Variants in PCNX2 observed in about 807,000 individuals in gnomAD.
PCNX2 encodes the protein pecanex-like protein 2.
PCNX2 carries 168 observed loss-of-function variants against 223.8 expected under a neutral mutation model. That is an observed-to-expected ratio of 0.75 (90% CI 0.66 to 0.85). PCNX2 has a LOEUF of 0.85. Ranked by LOEUF, PCNX2 falls within the 40% of genes least tolerant of loss-of-function variation. PCNX2 has a pLI of 0.00. For missense variants in PCNX2, 2,507 were observed against 2,675.5 expected, an observed-to-expected ratio of 0.94 and a Z score of 1.39; for synonymous variants, 1,006 against 1,052.6, an observed-to-expected ratio of 0.96 and a Z score of 0.86.
chr1:233,227,878 C>A (rs1388578874), intron 9 of PCNX2, among the ~76,000 whole-genome samples: 1 of 151,898 alleles, frequency 6.6e-6, no homozygotes, highest in Non-Finnish European at 1.5e-5. Context: ...AAATCTAAAT[C>A]ATTAAAACTA....
Position 233,047,942 on chromosome 1 carries a change from T to C in PCNX2, c.4351+6326A>G, listed in dbSNP as rs1304487262. On this transcript the variant is annotated intron_variant, in intron 25 of 33. Coordinates refer to ENST00000258229, the MANE Select transcript of PCNX2 (RefSeq NM_014801.4). Reference sequence around the variant, plus strand: ...TCTGTAAATGGAACATACTGCAAGATCAACCACATGCTCAGCCATAAAGCA... The same window carrying C: ...TCTGTAAATGGAACATACTGCAAGACCAACCACATGCTCAGCCATAAAGCA... 2.0e-5 allele frequency among the ~76,000 whole-genome samples: 3 copies of C among 152,176 alleles called. No individual in the cohort carries two copies. In the East Asian group the frequency reaches 5.8e-4, roughly 29 times the overall value.
At chr1:233,165,477 T>G (rs893766174) in intron 17 of PCNX2, among the ~76,000 whole-genome samples, 1 of 152,156 alleles carries the variant, frequency 6.6e-6, no homozygotes, top group Non-Finnish European at 1.5e-5. Context: ...CAGGGAAATA[T>G]TCTGAGGCTC....
chr1:233,281,321 T>C lies in PCNX2; in HGVS notation c.153+14005A>G, dbSNP rs1014902646. Among the ~76,000 whole-genome samples the C allele has an allele frequency of 7.2e-5, 11 of 152,290 alleles. No individual in the cohort carries two copies. In the South Asian group the frequency reaches 1.7e-3, roughly 23 times the overall value. ...AGGTGTCTATTGATAGGGAACTATA[T>C]CCCAATGGGCTATTAGTTATCTGGC... On this transcript the variant is annotated intron_variant, in intron 1 of 33. Coordinates refer to ENST00000258229, the MANE Select transcript of PCNX2 (RefSeq NM_014801.4).
the PCNX2 span, among the ~76,000 whole-genome samples, chr1:233,305,660 G>T: frequency 6.6e-6 from 1 of 152,092 alleles, no homozygotes; most frequent in African/African-American, 2.4e-5. Flanking sequence ...TCACTAGGTT[G>T]CCCAGACTGG....
intron 12 of PCNX2, chr1:233,211,591 A>G (rs1681822723): frequency 1.2e-5 from 2 of 172,778 alleles, no homozygotes; most frequent in Non-Finnish European, 2.3e-5. Context: ...TCTCATTTTG[A>G]TAAGAGTAAA....
At chr1:233,283,188 A>G (rs1661276316) in intron 1 of PCNX2, among the ~76,000 whole-genome samples, 1 of 152,206 alleles carries the variant, frequency 6.6e-6, no homozygotes, top group African/African-American at 2.4e-5. Context: ...AGATATAAAT[A>G]TGAAATAATG....
chr1:233,064,606 GCCCCGACCCACCA>G (rs1401882565), intron 23 of PCNX2, among the ~76,000 whole-genome samples: 1 of 152,134 alleles, frequency 6.6e-6, no homozygotes, highest in Admixed American at 6.6e-5. Flanking sequence ...GAGACTCACA[GCCCCGACCCACCA>G]CCCACCCCAT....
chr1:233,102,844 T>C (rs1274259291), intron 21 of PCNX2, among the ~76,000 whole-genome samples: 1 of 152,204 alleles, frequency 6.6e-6, no homozygotes, highest in African/African-American at 2.4e-5. Context: ...TTCTTTCCTT[T>C]GCTGTGCAGA....
intron 10 of PCNX2, among the ~76,000 whole-genome samples, chr1:233,226,618 C>G (rs1299265616): frequency 6.6e-6 from 1 of 152,150 alleles, no homozygotes; most frequent in East Asian, 1.9e-4. Context: ...TTCTCCCTAC[C>G]CAGTAACCAC....
At chr1:233,078,361 A>T (rs1673195687) in intron 23 of PCNX2, among the ~76,000 whole-genome samples, 1 of 152,258 alleles carries the variant, frequency 6.6e-6, no homozygotes, top group Non-Finnish European at 1.5e-5. Context: ...AATCTGCCTA[A>T]GAAATCTCCT....
At chr1:233,185,084 AACACACACACACACACACACACAC>A (rs60719299) in intron 15 of PCNX2, among the ~76,000 whole-genome samples, 17 of 141,834 alleles carry the variant, frequency 1.2e-4, no homozygotes, top group Middle Eastern at 3.5e-3. Flanking sequence ...TACATACATA[AACACACACACACACACACACACAC>A]ACACACACAC....
At chr1:233,161,096 C>T (rs1678441164) in intron 18 of PCNX2, among the ~76,000 whole-genome samples, 175 bp downstream of exon 18, 1 of 152,156 alleles carries the variant, frequency 6.6e-6, no homozygotes, top group South Asian at 2.1e-4. Flanking sequence ...TGGACCAAGT[C>T]ACATCTTGGA....
intron 25 of PCNX2, among the ~76,000 whole-genome samples, chr1:233,044,085 T>C (rs1330744811): frequency 1.3e-5 from 2 of 152,046 alleles, no homozygotes; most frequent in Non-Finnish European, 2.9e-5. Flanking sequence ...TCCTGACTTT[T>C]TAATGATTGC....
intron 1 of PCNX2, chr1:233,289,181 C>T: frequency 2.4e-6 from 2 of 829,560 alleles, no homozygotes; most frequent in Non-Finnish European, 2.2e-6. Context: ...CAACATGCTT[C>T]CCACTGAACT....
chr1:233,130,296 C>T (rs539518894), intron 21 of PCNX2, among the ~76,000 whole-genome samples: 1 of 152,082 alleles, frequency 6.6e-6, no homozygotes, highest in Non-Finnish European at 1.5e-5. Context: ...CGGACACACT[C>T]CTACCCCCTC....
intron 8 of PCNX2, among the ~76,000 whole-genome samples, chr1:233,242,656 A>G (rs1658845185): frequency 6.6e-6 from 1 of 152,260 alleles, no homozygotes. Context: ...AGAAACTATC[A>G]AGCTTTAATT....
chr1:233,095,950 G>T, intron 21 of PCNX2, 87 bp from the exon 22 acceptor site: 1 of 930,556 alleles, frequency 1.1e-6, no homozygotes, highest in Non-Finnish European at 1.6e-6. Context: ...CATTTGTCAA[G>T]GTTAGGAAGG....
intron 1 of PCNX2, among the ~76,000 whole-genome samples, chr1:233,280,824 T>C (rs955750861): frequency 6.6e-6 from 1 of 152,252 alleles, no homozygotes; most frequent in Non-Finnish European, 1.5e-5. Context: ...GGAAGTTATT[T>C]AGCCTTTGTA....
At chr1:232,984,792 C>T in intron 33 of PCNX2, 1 of 267,610 alleles carries the variant, frequency 3.7e-6, no homozygotes, top group Admixed American at 5.2e-5. Context: ...AGTGTCACTT[C>T]ATGCACACTT....
Sources: allele counts gnomAD v4.1 joint callset (sites outside exome capture counted in the v4.1 genomes callset), GRCh38; gene constraint gnomAD v4.1.1; transcripts MANE v1.5; gene names NCBI Gene and HGNC (gene_info 2026-07-23, HGNC 2026-07-21).